CHRM2: variants seen among roughly 807,000 people sequenced by gnomAD.
CHRM2 encodes muscarinic acetylcholine receptor M2.
CHRM2 carries 8 observed loss-of-function variants against 25.0 expected under a neutral mutation model. The observed-to-expected ratio is 0.32, with a 90% confidence interval of 0.19 to 0.58. CHRM2 has a LOEUF of 0.58. Among genes scored for constraint, CHRM2 ranks in the 20% least tolerant of loss-of-function variants. The pLI is 0.88. For missense variants in CHRM2, 440 were observed against 567.1 expected (o/e 0.78, Z 2.28); for synonymous variants, 202 against 205.7 (o/e 0.98, Z 0.15).
At chr7:137,011,215 G>GTATATATA (rs71176365) in intron 3 of CHRM2, among the ~76,000 whole-genome samples, 5 of 134,276 alleles carry the variant, frequency 3.7e-5, no homozygotes, top group African/African-American at 9.6e-5. Flanking sequence ...GTGTGTGTGT[G>GTATATATA]TATATATATA....
chr7:136,955,565 C>A (rs1316741626), intron 2 of CHRM2, among the ~76,000 whole-genome samples: 5 of 152,148 alleles, frequency 3.3e-5, no homozygotes, highest in Admixed American at 2.0e-4. Flanking sequence ...AGAACATAGT[C>A]CAGCTTGGCC....
rs1232317104 is a variant in CHRM2, at chr7:137,017,848, C to A, written c.*1582C>A. ...AGTGGTGGCATTATATAGAATCTTGCCACGTAGAGATTTTTTATTTGGTCG... is the reference window on the plus strand; with the variant it reads ...AGTGGTGGCATTATATAGAATCTTGACACGTAGAGATTTTTTATTTGGTCG... On this transcript the variant is annotated 3_prime_UTR_variant, in exon 4 of 4. Transcript: ENST00000680005. 1 of 151,730 alleles carries A rather than the reference C, an allele frequency of 6.6e-6. No individual in the cohort carries two copies. Among genetic ancestry groups the A allele is most frequent in the African/African-American group, 2.4e-5 (1 of 41,364 alleles). The allele number at this position is 151,730 out of a possible 1,614,324, so 9.4% of individuals were successfully genotyped here.
At chr7:136,898,971 G>A (rs1797054705) in intron 2 of CHRM2, 2 of 152,006 alleles carry the variant, frequency 1.3e-5, no homozygotes, top group Non-Finnish European at 2.9e-5. Flanking sequence ...CAAATTTTAG[G>A]TGCTGTAAAT....
chr7:137,010,644 T>C (rs1019433948), intron 3 of CHRM2, among the ~76,000 whole-genome samples: 3 of 151,952 alleles, frequency 2.0e-5, no homozygotes, highest in Non-Finnish European at 4.4e-5. Context: ...CTGCTTGCGA[T>C]TGCTTCTAAG....
intron 2 of CHRM2, among the ~76,000 whole-genome samples, chr7:136,923,969 T>A (rs529220425): frequency 3.9e-4 from 60 of 152,294 alleles, no homozygotes; most frequent in African/African-American, 1.4e-3. Flanking sequence ...CCTATGATCA[T>A]GCCACTGTTC....
chr7:136,972,519 C>T (rs1023757450), intron 2 of CHRM2, among the ~76,000 whole-genome samples: 2 of 152,112 alleles, frequency 1.3e-5, no homozygotes, highest in African/African-American at 4.8e-5. Flanking sequence ...GATTCCATTC[C>T]CTCTAGCGTT....
intron 2 of CHRM2, among the ~76,000 whole-genome samples, chr7:136,953,818 C>G (rs1274616612): frequency 6.6e-6 from 1 of 152,130 alleles, no homozygotes; most frequent in African/African-American, 2.4e-5. Context: ...CTGTTGGCTC[C>G]TAGTTGTACC....
intron 2 of CHRM2, among the ~76,000 whole-genome samples, chr7:136,933,731 T>C (rs1799248700): frequency 6.6e-6 from 1 of 152,186 alleles, no homozygotes; most frequent in South Asian, 2.1e-4. Context: ...GGAATATTAT[T>C]CACCAATAAA....
At chr7:136,976,465 A>G (rs577038361) in intron 2 of CHRM2, among the ~76,000 whole-genome samples, 9 of 152,262 alleles carry the variant, frequency 5.9e-5, no homozygotes, top group African/African-American at 2.2e-4. Flanking sequence ...TATTATAACA[A>G]TTTTCCAGAT....
chr7:136,904,355 A>G (rs945624181), intron 2 of CHRM2, among the ~76,000 whole-genome samples: 2 of 151,924 alleles, frequency 1.3e-5, no homozygotes, highest in Non-Finnish European at 2.9e-5. Context: ...CACATTTTCT[A>G]TATCTCTACT....
At chr7:136,997,067 C>T (rs182023355) in intron 3 of CHRM2, among the ~76,000 whole-genome samples, 1 of 152,162 alleles carries the variant, frequency 6.6e-6, no homozygotes, top group Non-Finnish European at 1.5e-5. Flanking sequence ...CCAAGGACTA[C>T]CAGCTGTACA....
At chr7:136,971,321 C>A (rs1253831395) in intron 2 of CHRM2, among the ~76,000 whole-genome samples, 1 of 152,138 alleles carries the variant, frequency 6.6e-6, no homozygotes, top group Admixed American at 6.6e-5. Context: ...ACAATTTAGA[C>A]CACACTAGTT....
chr7:137,015,388 G>A lies in CHRM2; in HGVS notation c.523G>A (p.Glu175Lys), dbSNP rs1045590358. The change falls in exon 4 of 4, where the codon GAG (glutamate) becomes AAG (lysine). Residue 175 changes from glutamate to lysine, a missense_variant. Physicochemically the swap from Glu to Lys is moderately conservative, Grantham distance 56. Coordinates refer to ENST00000680005, the MANE Select transcript of CHRM2 (RefSeq NM_001006630.2). The surrounding 1 kb of genome is among the most constrained non-coding windows in gnomAD (Gnocchi z 5.1). Reference protein sequence around the residue: ...IVGVRTVEDGECYIQFFSNAA... With the variant: ...IVGVRTVEDGKCYIQFFSNAA... ...AGGGGTGAGAACTGTGGAGGATGGG[G>A]AGTGCTACATTCAGTTTTTTTCCAA... The A allele has an allele frequency of 1.2e-6, 2 of 1,613,394 alleles. No individual in the cohort carries two copies. The highest frequency in any genetic ancestry group is 2.7e-5 in the African/African-American group (2 of 74,828).
chr7:136,930,942 T>C (rs1349412681), intron 2 of CHRM2, among the ~76,000 whole-genome samples: 1 of 137,912 alleles, frequency 7.3e-6, no homozygotes, highest in South Asian at 2.2e-4. Flanking sequence ...AGAAAGATCC[T>C]TACCACATAT....
chr7:136,882,403 C>A (rs1263079704), intron 2 of CHRM2, among the ~76,000 whole-genome samples: 3 of 151,496 alleles, frequency 2.0e-5, no homozygotes, highest in African/African-American at 7.3e-5. Flanking sequence ...TCCTCCTCCC[C>A]CTCTTCACCT....
intron 2 of CHRM2, among the ~76,000 whole-genome samples, chr7:136,937,620 T>C (rs1799495998): frequency 1.3e-5 from 2 of 152,220 alleles, no homozygotes; most frequent in South Asian, 4.1e-4. Context: ...TCACATCTAC[T>C]GGTGTTAAAC....
intron 2 of CHRM2, among the ~76,000 whole-genome samples, chr7:136,959,116 C>A (rs1013698846): frequency 1.3e-5 from 2 of 152,204 alleles, no homozygotes; most frequent in Admixed American, 6.5e-5. Context: ...AAGTCATCTT[C>A]ACCTTTCTCT....
chr7:136,964,327 G>T (rs1801281285), intron 2 of CHRM2, among the ~76,000 whole-genome samples: 2 of 151,978 alleles, frequency 1.3e-5, no homozygotes, highest in Non-Finnish European at 2.9e-5. Context: ...TTGTTCTCAT[G>T]CAGATAACTT....
intron 2 of CHRM2, among the ~76,000 whole-genome samples, chr7:136,880,419 A>T (rs918483780): frequency 1.3e-5 from 2 of 151,956 alleles, no homozygotes; most frequent in Admixed American, 6.6e-5. Flanking sequence ...TAATTATATT[A>T]GTGTGACTTA....
Sources: gnomAD v4.1 joint callset for allele counts (sites outside exome capture counted in the v4.1 genomes callset) on GRCh38, gnomAD v4.1.1 for gene constraint, Gnocchi (gnomAD v3.1) non-coding constraint, MANE v1.5 for transcripts, NCBI Gene and HGNC (gene_info 2026-07-23, HGNC 2026-07-21) for gene names.